The following TTC33 variants were observed in gnomAD, a reference collection of about 807,000 sequenced individuals.
TTC33 encodes tetratricopeptide repeat domain 33.
Under a neutral mutation model 29.4 loss-of-function variants are expected in TTC33, and 24 were observed. The observed-to-expected ratio is 0.82, with a 90% CI of 0.59 to 1.15. The LOEUF is 1.15. TTC33 is among the 50% of genes most tolerant of loss of function. The pLI, the probability that TTC33 is intolerant of heterozygous loss-of-function variation, is 0.00. For missense variants in TTC33, 286 were observed against 310.4 expected (o/e 0.92, Z 0.59); for synonymous variants, 107 against 100.3 (o/e 1.07, Z -0.40).
rs1246185050 is a variant in TTC33 at position 40,711,918 on chromosome 5, GAGGGGAACCAACTGCAAA to G, written c.*4209_*4226del. Among the ~76,000 whole-genome samples, 1 of 152,132 alleles carries G rather than the reference GAGGGGAACCAACTGCAAA, an allele frequency of 6.6e-6. No individual in the cohort carries two copies. Among genetic ancestry groups the G allele is most frequent in the Non-Finnish European group, 1.5e-5 (1 of 68,004 alleles). The stretch of plus-strand genomic sequence containing the variant: ...TTGACTAGGGATGGCTGTTCAGGTG[GAGGGGAACCAACTGCAAA>G]AGGGCTTTAGAGAACTTTTTGGGTG... On this transcript the variant is annotated 3_prime_UTR_variant, in exon 5 of 5. Transcript: ENST00000337702.
At chr5:40,753,421 T>C (rs1742932754) in intron 1 of TTC33, among the ~76,000 whole-genome samples, 2 of 151,718 alleles carry the variant, frequency 1.3e-5, no homozygotes, top group South Asian at 4.2e-4. Flanking sequence ...ATAATATAAG[T>C]GAACCACAAA....
intron 2 of TTC33, among the ~76,000 whole-genome samples, chr5:40,746,366 A>T (rs1297185811): frequency 6.6e-6 from 1 of 152,220 alleles, no homozygotes; most frequent in Admixed American, 6.5e-5. Flanking sequence ...TAAATGGCAA[A>T]GAATAACTAA....
At chr5:40,741,989 CA>C (rs920512057) in intron 2 of TTC33, among the ~76,000 whole-genome samples, 1 of 150,644 alleles carries the variant, frequency 6.6e-6, no homozygotes, top group Non-Finnish European at 1.5e-5. Flanking sequence ...GACTCTGTCT[CA>C]AAAAAAAGAA....
intron 4 of TTC33, among the ~76,000 whole-genome samples, chr5:40,724,634 A>G (rs1018381767): frequency 6.6e-6 from 1 of 152,096 alleles, no homozygotes; most frequent in Non-Finnish European, 1.5e-5. Context: ...CTCCATCTCA[A>G]AAAAACAAAA....
At chr5:40,725,814 C>A (rs952102904) in intron 4 of TTC33, among the ~76,000 whole-genome samples, 4 of 130,628 alleles carry the variant, frequency 3.1e-5, no homozygotes, top group Non-Finnish European at 4.7e-5. Context: ...TGAGACAGGT[C>A]TTGCTCTGTC....
chr5:40,720,449 G>A, intron 4 of TTC33, among the ~76,000 whole-genome samples: 1 of 152,148 alleles, frequency 6.6e-6, no homozygotes, highest in African/African-American at 2.4e-5. Flanking sequence ...GATTACTAAT[G>A]CTTTCATATT....
At chr5:40,747,670 G>A (rs547863073) in intron 1 of TTC33, among the ~76,000 whole-genome samples, 2 of 152,178 alleles carry the variant, frequency 1.3e-5, no homozygotes, top group East Asian at 1.9e-4. Flanking sequence ...GAAACTAAAG[G>A]AAAATAAAGC....
At chr5:40,755,179 C>G (rs1283756423) in intron 1 of TTC33, among the ~76,000 whole-genome samples, 1 of 152,160 alleles carries the variant, frequency 6.6e-6, no homozygotes, top group Non-Finnish European at 1.5e-5. Context: ...CAACAACTGG[C>G]GACGGCTTCA....
chr5:40,748,396 A>G (rs1475561804), intron 1 of TTC33, among the ~76,000 whole-genome samples: 1 of 151,978 alleles, frequency 6.6e-6, no homozygotes, highest in Non-Finnish European at 1.5e-5. Flanking sequence ...GAGTTTCACT[A>G]TGTTGGTGAG....
At chr5:40,720,652 C>G (rs1742109762) in intron 4 of TTC33, among the ~76,000 whole-genome samples, 1 of 152,136 alleles carries the variant, frequency 6.6e-6, no homozygotes, top group Admixed American at 6.5e-5. Context: ...CCAACAAATA[C>G]ACCAATTCAG....
chr5:40,712,985 TTC>T lies in TTC33; in HGVS notation c.*3158_*3159del, dbSNP rs1408288889. 2.0e-5 allele frequency among the ~76,000 whole-genome samples: 3 copies of T among 152,162 alleles called. No homozygotes were observed. The highest frequency in any genetic ancestry group is 4.8e-5 in the African/African-American group (2 of 41,442). On this transcript the variant is annotated 3_prime_UTR_variant, in exon 5 of 5. Coordinates refer to ENST00000337702, the MANE Select transcript of TTC33 (RefSeq NM_012382.3). Reference sequence around the variant, plus strand: ...GATAACCTCCTTTATTTCATTTTATTTCTGTTTTATAATTTATATATTTCAAT... The same window carrying T: ...GATAACCTCCTTTATTTCATTTTATTTGTTTTATAATTTATATATTTCAAT...
intron 1 of TTC33, among the ~76,000 whole-genome samples, chr5:40,755,424 G>C (rs186045392): frequency 2.4e-4 from 37 of 152,356 alleles, no homozygotes; most frequent in Middle Eastern, 3.4e-3. Flanking sequence ...AAAACGCTCA[G>C]AAAGGCTGCC....
chr5:40,725,422 G>A (rs1742257638), intron 4 of TTC33, among the ~76,000 whole-genome samples: 1 of 152,154 alleles, frequency 6.6e-6, no homozygotes, highest in Non-Finnish European at 1.5e-5. Flanking sequence ...TCTAATTAAA[G>A]ATTTGCTCAT....
intron 2 of TTC33, among the ~76,000 whole-genome samples, chr5:40,740,743 G>A (rs998033818): frequency 6.6e-6 from 1 of 152,130 alleles, no homozygotes; most frequent in African/African-American, 2.4e-5. Context: ...TTCACTGGGG[G>A]TTAGACAAGC....
rs1374272506 is a variant in TTC33, at chr5:40,713,847, C to G, written c.*2298G>C. Reference sequence around the variant, plus strand: ...TGTTATTAAAATTAACAAGCTTAGTCTATGTTTGTATATCAGTATTCACAT... The same window carrying G: ...TGTTATTAAAATTAACAAGCTTAGTGTATGTTTGTATATCAGTATTCACAT... On this transcript the variant is annotated 3_prime_UTR_variant, in exon 5 of 5. Transcript: ENST00000337702. Among the ~76,000 whole-genome samples, 1 of 152,088 alleles carries G rather than the reference C, an allele frequency of 6.6e-6. No homozygotes were observed.
At chr5:40,745,080 A>C (rs1186872511) in intron 2 of TTC33, among the ~76,000 whole-genome samples, 1 of 152,262 alleles carries the variant, frequency 6.6e-6, no homozygotes. Flanking sequence ...ATTGGTCTGG[A>C]CTCTTCCAAT....
intron 2 of TTC33, among the ~76,000 whole-genome samples, chr5:40,731,554 GA>G (rs1742427533): frequency 4.6e-5 from 7 of 152,346 alleles, no homozygotes; most frequent in Admixed American, 4.6e-4. Context: ...GCACGAGAGA[GA>G]AATGAGCGCT....
chr5:40,716,024 A>G lies in TTC33; in HGVS notation c.*121T>C. ...TGCCATTTTAGTTTTTATATGCCTCATCTGAAAAACATATTTTACAACCAG... is the reference window on the plus strand; with the variant it reads ...TGCCATTTTAGTTTTTATATGCCTCGTCTGAAAAACATATTTTACAACCAG... On this transcript the variant is annotated 3_prime_UTR_variant, in exon 5 of 5. Transcript: ENST00000337702. 1.3e-6 allele frequency: 1 copy of G among 787,436 alleles called. No individual in the cohort carries two copies. The allele number at this position is 787,436 out of a possible 1,614,324, so 48.8% of individuals were successfully genotyped here. A position where few individuals can be genotyped will look rare whatever the true frequency, so the allele number is the denominator to read the frequency against.
chr5:40,724,389 C>T (rs1742229560), intron 4 of TTC33, among the ~76,000 whole-genome samples: 1 of 152,004 alleles, frequency 6.6e-6, no homozygotes, highest in South Asian at 2.1e-4. Context: ...AATCCCGGAA[C>T]ATTGGGAGGC....
Sources: allele counts gnomAD v4.1 joint callset (sites outside exome capture counted in the v4.1 genomes callset), GRCh38; gene constraint gnomAD v4.1.1; transcripts MANE v1.5; gene names NCBI Gene and HGNC (gene_info 2026-07-23, HGNC 2026-07-21).